Variants in DIP2C observed in about 807,000 individuals in gnomAD.
DIP2C encodes the protein DIP2 acetate--CoA ligase C (putative).
In DIP2C, 33 loss-of-function variants were observed where a neutral mutation model predicts 192.4. The ratio of observed to expected loss-of-function variants is 0.17; its 90% CI spans 0.13 to 0.23. DIP2C has a LOEUF of 0.23. Ranked by LOEUF, DIP2C falls within the 10% of genes least tolerant of loss-of-function variation. The pLI, the probability that DIP2C is intolerant of heterozygous loss-of-function variation, is 1.00. For missense variants in DIP2C, 1,537 were observed against 2,110.1 expected, an observed-to-expected ratio of 0.73 and a Z score of 5.32; for synonymous variants, 979 against 864.1, an observed-to-expected ratio of 1.13 and a Z score of -2.33.
intron 4 of DIP2C, among the ~76,000 whole-genome samples, chr10:433,084 G>C (rs905606739): frequency 1.4e-4 from 21 of 152,292 alleles, no homozygotes; most frequent in African/African-American, 5.1e-4. Flanking sequence ...GGAGGAAATA[G>C]TCTATAAATG....
chr10:564,363 G>A (rs888607996), intron 1 of DIP2C, among the ~76,000 whole-genome samples: 4 of 152,066 alleles, frequency 2.6e-5, no homozygotes, highest in African/African-American at 9.7e-5. Flanking sequence ...CAGCCTGGAC[G>A]TCACCTTGGG....
At chr10:421,229 G>T (rs72772883) in intron 5 of DIP2C, among the ~76,000 whole-genome samples, 1 of 152,192 alleles carries the variant, frequency 6.6e-6, no homozygotes, top group Non-Finnish European at 1.5e-5. Context: ...TGATGTACAT[G>T]AGTTATGAGC....
intron 22 of DIP2C, among the ~76,000 whole-genome samples, chr10:361,086 T>G (rs1959423952): frequency 6.6e-6 from 1 of 152,230 alleles, no homozygotes; most frequent in Non-Finnish European, 1.5e-5. Context: ...GCTCTGCCAG[T>G]TAATATTTGT....
intron 1 of DIP2C, among the ~76,000 whole-genome samples, chr10:604,940 A>C (rs1852357658): frequency 1.3e-5 from 2 of 152,204 alleles, no homozygotes; most frequent in Admixed American, 6.5e-5. Context: ...CCAGCCTCTG[A>C]TAAAACTCAG....
intron 1 of DIP2C, among the ~76,000 whole-genome samples, chr10:505,535 C>G (rs1845539298): frequency 6.6e-6 from 1 of 152,156 alleles, no homozygotes; most frequent in Non-Finnish European, 1.5e-5. Context: ...GCACCTGACA[C>G]CAGGGAGATG....
intron 2 of DIP2C, among the ~76,000 whole-genome samples, chr10:474,737 T>C (rs1298689339): frequency 6.6e-6 from 1 of 152,218 alleles, no homozygotes; most frequent in Non-Finnish European, 1.5e-5. Context: ...ACCGAGTCTT[T>C]CGCCTAGATA....
chr10:514,733 C>T (rs1189943585), intron 1 of DIP2C, among the ~76,000 whole-genome samples: 3 of 152,144 alleles, frequency 2.0e-5, no homozygotes, highest in Non-Finnish European at 2.9e-5. Context: ...TCCCTGCGTC[C>T]GGCTTGGAGG....
intron 1 of DIP2C, among the ~76,000 whole-genome samples, chr10:563,030 T>TTC (rs946307004): frequency 1.3e-5 from 2 of 152,260 alleles, no homozygotes. Flanking sequence ...TTGAAGGCTT[T>TTC]TCTCACCTAC....
chr10:593,470 C>T lies in DIP2C; in HGVS notation c.85+96024G>A, dbSNP rs1265280324. On this transcript the variant is annotated intron_variant, in intron 1 of 36. Coordinates refer to ENST00000280886, the MANE Select transcript of DIP2C (RefSeq NM_014974.3). ...ACCCGGGTCTGTGCATGCCGCCCTG[C>T]TCTGCCCACGCGGGACCCCCCCCCC... 1.0e-4 allele frequency among the ~76,000 whole-genome samples: 15 copies of T among 148,566 alleles called. No homozygotes were observed. In the South Asian group the frequency reaches 3.4e-3, roughly 33 times the overall value.
At chr10:396,275 G>A (rs1963978110) in intron 10 of DIP2C, among the ~76,000 whole-genome samples, 1 of 152,212 alleles carries the variant, frequency 6.6e-6, no homozygotes, top group South Asian at 2.1e-4. Context: ...TTGGAGCTAT[G>A]CCTAGGATTT....
At chr10:471,478 A>C (rs1970627730) in intron 3 of DIP2C, among the ~76,000 whole-genome samples, 1 of 152,060 alleles carries the variant, frequency 6.6e-6, no homozygotes, top group Non-Finnish European at 1.5e-5. Flanking sequence ...CCTTAGCCTC[A>C]CTTTTTTCTT....
chr10:295,844 T>TAA (rs200750864), intron 32 of DIP2C, among the ~76,000 whole-genome samples: 1 of 152,034 alleles, frequency 6.6e-6, no homozygotes, highest in African/African-American at 2.4e-5. Context: ...CCATCTCTAC[T>TAA]AAAAAAATAC....
intron 1 of DIP2C, among the ~76,000 whole-genome samples, chr10:594,566 T>C (rs769862971): frequency 6.6e-5 from 10 of 151,582 alleles, no homozygotes; most frequent in Non-Finnish European, 1.0e-4. Context: ...CATGGCTGAG[T>C]ACAAATCATT....
chr10:416,036 T>A (rs1564682054), intron 6 of DIP2C, 148 bp from the exon 7 acceptor site: 1 of 1,210,698 alleles, frequency 8.3e-7, no homozygotes, highest in East Asian at 2.4e-5. Flanking sequence ...GAGGTGATCA[T>A]GCTGTACGGT....
intron 1 of DIP2C, among the ~76,000 whole-genome samples, chr10:660,940 A>C (rs1856719942): frequency 6.6e-6 from 1 of 152,330 alleles, no homozygotes; most frequent in Middle Eastern, 3.4e-3. Context: ...ATGCCGTAAC[A>C]CAAGTGCTAA....
rs746217642 is a variant in DIP2C, at chr10:341,340, C to A, written c.3454-11G>T. On this transcript the variant is annotated splice_polypyrimidine_tract_variant and intron_variant, in intron 28 of 36. Transcript: ENST00000280886. ...GGCTGCGTGAGACATCTGCAAAATA[C>A]AAGGCTGTGTTAAACGCATCGGACC... 1.2e-6 allele frequency: 2 copies of A among 1,613,606 alleles called. No individual in the cohort carries two copies. Among genetic ancestry groups the A allele is most frequent in the Non-Finnish European group, 1.7e-6 (2 of 1,179,980 alleles).
chr10:576,843 G>A (rs1276850233), intron 1 of DIP2C, among the ~76,000 whole-genome samples: 2 of 152,146 alleles, frequency 1.3e-5, no homozygotes, highest in East Asian at 1.9e-4. Flanking sequence ...GGAGGTGGAG[G>A]AGGTTGTAGT....
In DIP2C at chr10:596,496, CAAAAAAAAAAAAAA is replaced by C. The variant is rs56298679; in HGVS notation, c.85+92984_85+92997del. 6.5e-3 allele frequency among the ~76,000 whole-genome samples: 346 copies of C among 52,950 alleles called. 5 individuals are homozygous for C. In the South Asian group the frequency reaches 0.091, roughly 14 times the overall value. 34.7% of individuals were successfully genotyped at this position (52,950 alleles called of 152,430 possible). ...GGGCGACCAGTGCGAAACTCCATCT[CAAAAAAAAAAAAAA>C]AAAAAAAAAAAAAAAAGTATTAAGT... On this transcript the variant is annotated intron_variant, in intron 1 of 36. Coordinates refer to ENST00000280886, the MANE Select transcript of DIP2C (RefSeq NM_014974.3).
At position 387,759 on chromosome 10, in the gene DIP2C, G is replaced by A; in HGVS notation, c.1648C>T (p.His550Tyr). The change falls in exon 14 of 37, where the codon CAT becomes TAT. Residue 550 changes from histidine (H) to tyrosine (Y), a missense_variant. Transcript: ENST00000280886. ...ACCTCACTTACTGTCAGGATGCCATGCCAGAGCCCGACGTCCTTCTTGAAA... is the reference window on the plus strand; with the variant it reads ...ACCTCACTTACTGTCAGGATGCCATACCAGAGCCCGACGTCCTTCTTGAAA... ...LDFKKDVGLWHGILTSVMNMM... is the reference protein window; with the variant it reads ...LDFKKDVGLWYGILTSVMNMM... 3.7e-6 allele frequency: 6 copies of A among 1,614,204 alleles called. No individual in the cohort carries two copies. The highest frequency in any genetic ancestry group is 5.1e-6 in the Non-Finnish European group (6 of 1,180,028).
Sources: gnomAD v4.1 joint callset for allele counts (sites outside exome capture counted in the v4.1 genomes callset) on GRCh38, gnomAD v4.1.1 for gene constraint, MANE v1.5 for transcripts, NCBI Gene and HGNC (gene_info 2026-07-23, HGNC 2026-07-21) for gene names.